Variants in OSTN observed in about 807,000 individuals in gnomAD.
OSTN encodes the protein osteocrin.
In OSTN, 9 loss-of-function variants were observed where a neutral mutation model predicts 12.0. That is an observed-to-expected ratio of 0.75 (90% CI 0.45 to 1.30). The LOEUF is 1.30. Ranked by LOEUF, OSTN falls within the 50% of genes most tolerant of loss-of-function variation. The probability of loss-of-function intolerance (pLI) is 0.00; values close to 1 mark genes in which losing one functional copy is unlikely to be tolerated. For missense variants in OSTN, 148 were observed against 152.3 expected (o/e 0.97, Z 0.15); for synonymous variants, 59 against 56.9 (o/e 1.04, Z -0.16).
At chr3:191,255,996 G>A (rs115051294) in intron 4 of OSTN, among the ~76,000 whole-genome samples, 140 of 152,130 alleles carry the variant, frequency 9.2e-4, no homozygotes, top group African/African-American at 3.3e-3. Flanking sequence ...CCAGAAAGAA[G>A]CAAACTTTGG....
chr3:191,261,778 G>A (rs1258343709), intron 4 of OSTN, among the ~76,000 whole-genome samples: 9 of 152,178 alleles, frequency 5.9e-5, no homozygotes, highest in Admixed American at 5.9e-4. Context: ...TTGTACCAAA[G>A]TTTTGAGTTT....
chr3:191,249,273 CTTG>C (rs1026160944), intron 3 of OSTN, among the ~76,000 whole-genome samples: 8 of 152,104 alleles, frequency 5.3e-5, no homozygotes, highest in Admixed American at 5.2e-4. Flanking sequence ...TGGATCCTCT[CTTG>C]TTAGGATTTT....
intron 4 of OSTN, among the ~76,000 whole-genome samples, chr3:191,261,090 T>G (rs1398566540): frequency 6.6e-6 from 1 of 152,066 alleles, no homozygotes; most frequent in Non-Finnish European, 1.5e-5. Flanking sequence ...GCAGATTAGG[T>G]CTTGGGTTCT....
At chr3:191,230,145 C>T (rs1484341150) in intron 3 of OSTN, among the ~76,000 whole-genome samples, 6 of 151,794 alleles carry the variant, frequency 4.0e-5, no homozygotes, top group Non-Finnish European at 8.8e-5. Context: ...ATAGTGAAAA[C>T]ATTTTCAAAT....
intron 1 of OSTN, among the ~76,000 whole-genome samples, chr3:191,211,577 GCA>G (rs1714418451): frequency 1.3e-5 from 2 of 152,210 alleles, no homozygotes; most frequent in South Asian, 2.1e-4. Flanking sequence ...TTTTTGTAAA[GCA>G]TCCAATTTTC....
intron 4 of OSTN, among the ~76,000 whole-genome samples, chr3:191,253,639 G>C (rs1715610872): frequency 6.6e-6 from 1 of 152,182 alleles, no homozygotes; most frequent in African/African-American, 2.4e-5. Flanking sequence ...AGGTGGATTT[G>C]TTATGTAGAT....
At chr3:191,239,569 C>T (rs541160302) in intron 3 of OSTN, among the ~76,000 whole-genome samples, 1 of 152,194 alleles carries the variant, frequency 6.6e-6, no homozygotes, top group Non-Finnish European at 1.5e-5. Flanking sequence ...ACATCAGAAG[C>T]TGACATTATG....
intron 1 of OSTN, among the ~76,000 whole-genome samples, chr3:191,206,255 C>T (rs1308811825): frequency 6.6e-6 from 1 of 151,518 alleles, no homozygotes; most frequent in Non-Finnish European, 1.5e-5. Flanking sequence ...ATCAATTTTG[C>T]CTCACATTTA....
chr3:191,230,846 G>A (rs1175364226), intron 3 of OSTN, among the ~76,000 whole-genome samples: 1 of 152,120 alleles, frequency 6.6e-6, no homozygotes, highest in Non-Finnish European at 1.5e-5. Flanking sequence ...AATAATTGAT[G>A]ACCCTAGGAA....
intron 3 of OSTN, among the ~76,000 whole-genome samples, chr3:191,221,938 G>A (rs1714776597): frequency 6.6e-6 from 1 of 152,128 alleles, no homozygotes; most frequent in Non-Finnish European, 1.5e-5. Context: ...CTGCTTCCCA[G>A]CCACTCCAGC....
intron 3 of OSTN, among the ~76,000 whole-genome samples, chr3:191,231,424 T>C (rs1405093535): frequency 1.3e-5 from 2 of 152,106 alleles, no homozygotes; most frequent in African/African-American, 2.4e-5. Flanking sequence ...CAAGAATGTA[T>C]AGCTTGCAAT....
intron 1 of OSTN, among the ~76,000 whole-genome samples, chr3:191,205,180 T>G (rs1714239688): frequency 6.6e-6 from 1 of 152,168 alleles, no homozygotes; most frequent in Non-Finnish European, 1.5e-5. Flanking sequence ...TAAATTAAGA[T>G]TAACTAAAGT....
At chr3:191,238,417 A>G (rs1012771883) in intron 3 of OSTN, among the ~76,000 whole-genome samples, 1 of 152,148 alleles carries the variant, frequency 6.6e-6, no homozygotes, top group Non-Finnish European at 1.5e-5. Flanking sequence ...GTAAATCTAC[A>G]TTTTACATAT....
chr3:191,259,841 T>C (rs904076734), intron 4 of OSTN, among the ~76,000 whole-genome samples: 1 of 149,948 alleles, frequency 6.7e-6, no homozygotes, highest in Non-Finnish European at 1.5e-5. Context: ...ATGACCCTAT[T>C]ATGTATCCTT....
intron 4 of OSTN, among the ~76,000 whole-genome samples, chr3:191,254,515 A>G (rs757600462): frequency 1.4e-4 from 22 of 152,380 alleles, no homozygotes; most frequent in Non-Finnish European, 2.5e-4. Flanking sequence ...AGAAAAAATT[A>G]AAAACCTTAG....
Position 191,253,793 on chromosome 3 carries a change from T to A in OSTN, c.*12+3660T>A, listed in dbSNP as rs186130202. On this transcript the variant is annotated intron_variant, in intron 4 of 4. Coordinates refer to ENST00000682035, the MANE Select transcript of OSTN (RefSeq NM_198184.2). ...TGCATTAATGCAAATTCTCTACAGA[T>A]CTACAGATGCAAATTTCCCCCACAG... Among the ~76,000 whole-genome samples the A allele has an allele frequency of 2.1e-4, 32 of 152,342 alleles. No individual in the cohort carries two copies. The East Asian group carries it at 5.4e-3, about 26-fold the overall frequency.
chr3:191,262,045 C>A (rs1421403034), intron 4 of OSTN, among the ~76,000 whole-genome samples: 1 of 152,094 alleles, frequency 6.6e-6, no homozygotes, highest in Non-Finnish European at 1.5e-5. Context: ...GGTGAAACCT[C>A]ATCTCTACTA....
intron 4 of OSTN, among the ~76,000 whole-genome samples, chr3:191,260,661 T>C (rs1446101903): frequency 6.6e-6 from 1 of 152,136 alleles, no homozygotes; most frequent in Non-Finnish European, 1.5e-5. Flanking sequence ...AGTCTTGGGT[T>C]CCCAGGCATT....
intron 3 of OSTN, among the ~76,000 whole-genome samples, chr3:191,238,241 G>A (rs970690438): frequency 5.3e-5 from 8 of 152,078 alleles, no homozygotes; most frequent in Non-Finnish European, 8.8e-5. Context: ...GGCCAAAGTT[G>A]AAGATACTTG....
Sources: allele counts gnomAD v4.1 joint callset (sites outside exome capture counted in the v4.1 genomes callset), GRCh38; gene constraint gnomAD v4.1.1; transcripts MANE v1.5; gene names NCBI Gene and HGNC (gene_info 2026-07-23, HGNC 2026-07-21).